Variants in FSTL5 observed in about 807,000 individuals in gnomAD.
FSTL5 encodes follistatin like 5, also known as follistatin-related protein 5.
A neutral mutation model predicts 89.1 loss-of-function variants in FSTL5; 62 were observed. The observed-to-expected ratio is 0.70, with a 90% CI of 0.57 to 0.86. FSTL5 has a LOEUF of 0.86. FSTL5 is among the 40% of genes least tolerant of loss of function. The pLI, the probability that FSTL5 is intolerant of heterozygous loss-of-function variation, is 0.00. For missense variants in FSTL5, 1,057 were observed against 1,001.6 expected, an observed-to-expected ratio of 1.06 and a Z score of -0.75; for synonymous variants, 383 against 346.2, an observed-to-expected ratio of 1.11 and a Z score of -1.18.
chr4:162,082,820 C>CTT (rs34774825), intron 2 of FSTL5, among the ~76,000 whole-genome samples: 39 of 146,904 alleles, frequency 2.7e-4, no homozygotes, highest in African/African-American at 7.7e-4. Flanking sequence ...TTTCTTTTCT[C>CTT]TTTTTTTTTT....
At chr4:161,873,003 A>C (rs1732324470) in intron 4 of FSTL5, among the ~76,000 whole-genome samples, 2 of 152,206 alleles carry the variant, frequency 1.3e-5, no homozygotes, top group African/African-American at 4.8e-5. Flanking sequence ...GTAATGTTAA[A>C]GACAAAAATA....
At chr4:161,474,614 C>T (rs1410611667) in intron 13 of FSTL5, among the ~76,000 whole-genome samples, 1 of 149,810 alleles carries the variant, frequency 6.7e-6, no homozygotes, top group Non-Finnish European at 1.5e-5. Context: ...GGCAGGATCT[C>T]GGTTCACTGC....
intron 4 of FSTL5, among the ~76,000 whole-genome samples, chr4:161,777,011 T>G (rs1044236148): frequency 6.6e-6 from 1 of 151,806 alleles, no homozygotes; most frequent in African/African-American, 2.4e-5. Flanking sequence ...CCCATCTTTA[T>G]TCTCCCGCCA....
intron 5 of FSTL5, among the ~76,000 whole-genome samples, chr4:161,762,614 A>T (rs964528127): frequency 1.3e-5 from 2 of 152,174 alleles, no homozygotes; most frequent in Admixed American, 1.3e-4. Context: ...AAATGATATA[A>T]AAGGTAATAA....
At chr4:161,963,448 C>A (rs1307952145) in intron 3 of FSTL5, among the ~76,000 whole-genome samples, 1 of 151,874 alleles carries the variant, frequency 6.6e-6, no homozygotes, top group Non-Finnish European at 1.5e-5. Flanking sequence ...AACTGAAATA[C>A]TACAGTAACC....
chr4:161,557,027 T>C (rs184786756), intron 8 of FSTL5, among the ~76,000 whole-genome samples: 1 of 151,498 alleles, frequency 6.6e-6, no homozygotes, highest in East Asian at 2.0e-4. Flanking sequence ...ACTCTACTTG[T>C]ACTTGGAAGT....
intron 6 of FSTL5, among the ~76,000 whole-genome samples, chr4:161,723,528 T>G (rs1028527405): frequency 5.9e-5 from 9 of 152,192 alleles, no homozygotes; most frequent in African/African-American, 2.2e-4. Flanking sequence ...CATTCATATT[T>G]CTATATCTCT....
intron 15 of FSTL5, among the ~76,000 whole-genome samples, chr4:161,413,318 A>T (rs183543109): frequency 1.3e-5 from 2 of 150,906 alleles, no homozygotes; most frequent in East Asian, 2.0e-4. Flanking sequence ...GCATATGAAA[A>T]AAAATGTTCA....
chr4:161,858,320 T>C (rs1731785868), intron 4 of FSTL5, among the ~76,000 whole-genome samples: 1 of 152,176 alleles, frequency 6.6e-6, no homozygotes, highest in Admixed American at 6.5e-5. Flanking sequence ...CAGGCTATGG[T>C]ATTTTGTTAT....
intron 2 of FSTL5, among the ~76,000 whole-genome samples, chr4:162,057,200 A>T (rs1475873566): frequency 6.6e-6 from 1 of 152,212 alleles, no homozygotes; most frequent in African/African-American, 2.4e-5. Context: ...AAATTCCAGG[A>T]ACCTCATTTC....
chr4:162,155,122 A>G (rs1733417194), intron 1 of FSTL5, among the ~76,000 whole-genome samples: 1 of 152,206 alleles, frequency 6.6e-6, no homozygotes, highest in Non-Finnish European at 1.5e-5. Context: ...CCAATAGACC[A>G]TGGCAAAGGT....
intron 3 of FSTL5, among the ~76,000 whole-genome samples, chr4:161,931,397 G>T (rs1467300686): frequency 2.0e-5 from 3 of 151,704 alleles, no homozygotes; most frequent in African/African-American, 7.3e-5. Flanking sequence ...AGTATAAGTT[G>T]GAAAGAGAAG....
chr4:161,779,046 T>A (rs1452110734), intron 4 of FSTL5, among the ~76,000 whole-genome samples: 1 of 152,214 alleles, frequency 6.6e-6, no homozygotes, highest in East Asian at 1.9e-4. Flanking sequence ...GAGATCTGAA[T>A]GTTGGCGAGA....
intron 7 of FSTL5, among the ~76,000 whole-genome samples, chr4:161,604,445 T>C (rs1734366373): frequency 6.6e-6 from 1 of 152,158 alleles, no homozygotes. Flanking sequence ...TGGAAAGTTA[T>C]ATACTAAAGA....
At chr4:161,391,138 T>G (rs1730809275) in intron 15 of FSTL5, among the ~76,000 whole-genome samples, 1 of 152,192 alleles carries the variant, frequency 6.6e-6, no homozygotes, top group Non-Finnish European at 1.5e-5. Flanking sequence ...AAAAGCATTT[T>G]GAAAGCTGTT....
intron 15 of FSTL5, among the ~76,000 whole-genome samples, chr4:161,411,551 G>C (rs1731592334): frequency 6.6e-6 from 1 of 152,092 alleles, no homozygotes; most frequent in Admixed American, 6.6e-5. Context: ...ATAAGTAAGT[G>C]ATATACTGCA....
chr4:161,854,201 C>A (rs977537356), intron 4 of FSTL5, among the ~76,000 whole-genome samples: 1 of 152,076 alleles, frequency 6.6e-6, no homozygotes, highest in African/African-American at 2.4e-5. Context: ...ATGAGCTGAT[C>A]GGGTATATTT....
intron 3 of FSTL5, among the ~76,000 whole-genome samples, chr4:162,020,007 C>T (rs114663565): frequency 0.026 from 3,825 of 149,962 alleles, 78 homozygotes; most frequent in Middle Eastern, 0.052. Flanking sequence ...TAGACTTGAG[C>T]ATCTATTGAG....
intron 15 of FSTL5, among the ~76,000 whole-genome samples, chr4:161,446,063 G>A (rs180932506): frequency 6.6e-6 from 1 of 151,996 alleles, no homozygotes; most frequent in East Asian, 1.9e-4. Flanking sequence ...AGATATATCA[G>A]CAGATTTACA....
Sources: gnomAD v4.1 joint callset for allele counts (sites outside exome capture counted in the v4.1 genomes callset) on GRCh38, gnomAD v4.1.1 for gene constraint, MANE v1.5 for transcripts, NCBI Gene and HGNC (gene_info 2026-07-23, HGNC 2026-07-21) for gene names.